Variants in FOXN3 observed in about 807,000 individuals in gnomAD.
FOXN3 encodes the protein forkhead box N3, also known as forkhead box protein N3.
FOXN3 carries 7 observed loss-of-function variants against 38.4 expected under a neutral mutation model. That is an observed-to-expected ratio of 0.18 (90% CI 0.10 to 0.34). The LOEUF (loss-of-function observed/expected upper bound fraction) is 0.34, where lower values mean the gene tolerates loss of function less well. FOXN3 is among the 10% of genes least tolerant of loss of function. FOXN3 has a pLI of 1.00. For missense variants in FOXN3, 456 were observed against 613.4 expected (o/e 0.74, Z 2.71); for synonymous variants, 230 against 242.2 (o/e 0.95, Z 0.47).
intron 1 of FOXN3, among the ~76,000 whole-genome samples, chr14:89,447,650 G>A (rs1208925346): frequency 1.3e-5 from 2 of 151,902 alleles, no homozygotes; most frequent in Admixed American, 6.6e-5. Context: ...CTAGGAGACC[G>A]GCAGGCTCCC....
At chr14:89,369,906 G>T (rs190984725) in intron 2 of FOXN3, among the ~76,000 whole-genome samples, 12 of 152,316 alleles carry the variant, frequency 7.9e-5, no homozygotes, top group Non-Finnish European at 1.8e-4. Context: ...ATTTGTCTAA[G>T]GTGAAATGCA....
chr14:89,518,313 A>C (rs75988568), intron 1 of FOXN3, among the ~76,000 whole-genome samples: 76 of 152,306 alleles, frequency 5.0e-4, no homozygotes, highest in African/African-American at 1.8e-3. Flanking sequence ...CTTTGCGGTC[A>C]TATCTTTTTC....
At chr14:89,335,131 A>G (rs912509744) in intron 3 of FOXN3, among the ~76,000 whole-genome samples, 1 of 151,402 alleles carries the variant, frequency 6.6e-6, no homozygotes, top group Non-Finnish European at 1.5e-5. Context: ...ACAAATGGTA[A>G]CTATATGAGG....
At chr14:89,592,280 G>A (rs1053494649) in intron 1 of FOXN3, among the ~76,000 whole-genome samples, 4 of 152,062 alleles carry the variant, frequency 2.6e-5, no homozygotes, top group African/African-American at 9.7e-5. Flanking sequence ...ATTTTTTGGG[G>A]GGAGAAGGGT....
At chr14:89,358,311 T>G (rs1467221377) in intron 2 of FOXN3, among the ~76,000 whole-genome samples, 7 of 152,304 alleles carry the variant, frequency 4.6e-5, no homozygotes, top group African/African-American at 1.7e-4. Flanking sequence ...ACTCCCAGTT[T>G]TAGGAAACTT....
At chr14:89,252,597 T>C (rs1445646632) in intron 4 of FOXN3, among the ~76,000 whole-genome samples, 3 of 144,642 alleles carry the variant, frequency 2.1e-5, no homozygotes, top group African/African-American at 7.8e-5. Flanking sequence ...GAGGTTGCAG[T>C]GAGCCGAGAT....
At chr14:89,608,357 G>C (rs1439928818) in intron 1 of FOXN3, among the ~76,000 whole-genome samples, 1 of 152,230 alleles carries the variant, frequency 6.6e-6, no homozygotes, top group African/African-American at 2.4e-5. Context: ...GGCCAGGATG[G>C]TCTCGATCTC....
chr14:89,592,345 G>A (rs1442874542), intron 1 of FOXN3, among the ~76,000 whole-genome samples: 2 of 152,060 alleles, frequency 1.3e-5, no homozygotes. Context: ...AAATCCACAA[G>A]AACCTTCCCT....
At position 89,164,183 on chromosome 14, in the gene FOXN3, C is replaced by T. The variant is rs1887179882; in HGVS notation, c.852-1214G>A. ...GCTCCTTATGTCTGGGAGGCAGCTG[C>T]CTGTCTGTTAGTGCCTGGCGCCCAG... On this transcript the variant is annotated intron_variant, in intron 5 of 5. Transcript: ENST00000557258. The surrounding 1 kb of genome is among the most constrained non-coding windows in gnomAD (Gnocchi z 4.3). Among the ~76,000 whole-genome samples the T allele has an allele frequency of 6.6e-6, 1 of 152,094 alleles. No homozygotes were observed. Among genetic ancestry groups the T allele is most frequent in the Non-Finnish European group, 1.5e-5 (1 of 68,014 alleles).
At position 89,292,133 on chromosome 14, in the gene FOXN3, C is replaced by A. The variant is rs575617884; in HGVS notation, c.681-11119G>T. On this transcript the variant is annotated intron_variant, in intron 3 of 5. Transcript: ENST00000557258. ...CCGTTCGCTGGCTCCATTATTTCTG[C>A]CTGCGCGTGCATCTTCTTACTTGCC... Among the ~76,000 whole-genome samples, 4 of 152,272 alleles carry A rather than the reference C, an allele frequency of 2.6e-5. No individual in the cohort carries two copies. The East Asian group carries it at 7.7e-4, about 29-fold the overall frequency.
rs1226803833 is a variant in FOXN3, at chr14:89,276,075, G to A, written c.745+4875C>T. ...ATGGATCACATGAGATCAAAAGTTC[G>A]AGACCAGCCTGGCCAACACAGCAAA... On this transcript the variant is annotated intron_variant, in intron 4 of 5. Coordinates refer to ENST00000557258, the MANE Select transcript of FOXN3 (RefSeq NM_005197.4). Among the ~76,000 whole-genome samples, 4 of 152,134 alleles carry A rather than the reference G, an allele frequency of 2.6e-5. No homozygotes were observed. The South Asian group carries it at 6.2e-4, about 24-fold the overall frequency.
intron 1 of FOXN3, among the ~76,000 whole-genome samples, chr14:89,512,167 C>T (rs1226863188): frequency 6.6e-6 from 1 of 152,258 alleles, no homozygotes; most frequent in East Asian, 1.9e-4. Flanking sequence ...CAGAGCAGGA[C>T]ATGAAGCCAT....
intron 1 of FOXN3, among the ~76,000 whole-genome samples, chr14:89,551,657 G>A (rs1895008798): frequency 6.6e-6 from 1 of 152,118 alleles, no homozygotes; most frequent in African/African-American, 2.4e-5. Flanking sequence ...GGCAGGTCCT[G>A]TACATCTGGT....
intron 1 of FOXN3, among the ~76,000 whole-genome samples, chr14:89,500,177 T>G (rs1893767362): frequency 6.6e-6 from 1 of 152,160 alleles, no homozygotes; most frequent in Non-Finnish European, 1.5e-5. Context: ...ACACCATGAA[T>G]TTCATTTACG....
intron 3 of FOXN3, among the ~76,000 whole-genome samples, chr14:89,335,075 TATCACACACA>T (rs66520032): frequency 0.17 from 22,770 of 136,106 alleles, 1,962 homozygotes; most frequent in South Asian, 0.24. Flanking sequence ...ACTATTTTCA[TATCACACACA>T]CACACACACA....
chr14:89,488,130 T>C (rs1291542120), intron 1 of FOXN3, among the ~76,000 whole-genome samples: 1 of 150,144 alleles, frequency 6.7e-6, no homozygotes, highest in Non-Finnish European at 1.5e-5. Context: ...TTGCCCAGAC[T>C]AGAGTGCAGT....
chr14:89,396,538 C>G (rs1891103341), intron 2 of FOXN3, among the ~76,000 whole-genome samples: 1 of 150,542 alleles, frequency 6.6e-6, no homozygotes, highest in Admixed American at 6.6e-5. Context: ...ACTGGAGCAT[C>G]AAGAAGCCAC....
rs186551002 is a variant in FOXN3, at chr14:89,205,530, G to T, written c.746-24724C>A. Among the ~76,000 whole-genome samples, 524 of 152,338 alleles carry T rather than the reference G, an allele frequency of 3.4e-3. 3 individuals carry two copies. The highest frequency in any genetic ancestry group is 5.7e-3 in the Admixed American group (87 of 15,308). On this transcript the variant is annotated intron_variant, in intron 4 of 5. Coordinates refer to ENST00000557258, the MANE Select transcript of FOXN3 (RefSeq NM_005197.4). ...TGACGTAAGCGGCTGGACGTTAAGA[G>T]GAGCAGAACAACACATCGACCGACA... is the stretch of plus-strand genomic sequence containing the variant.
intron 2 of FOXN3, among the ~76,000 whole-genome samples, chr14:89,358,632 T>C (rs552666565): frequency 1.3e-5 from 2 of 152,368 alleles, no homozygotes; most frequent in Admixed American, 6.5e-5. Flanking sequence ...CATCATTCTA[T>C]GCTTTGGGAA....
Sources: allele counts gnomAD v4.1 joint callset (sites outside exome capture counted in the v4.1 genomes callset), GRCh38; gene constraint gnomAD v4.1.1; non-coding constraint Gnocchi (gnomAD v3.1); transcripts MANE v1.5; gene names NCBI Gene and HGNC (gene_info 2026-07-23, HGNC 2026-07-21).